The following POFUT2 variants were observed in gnomAD, a reference collection of about 807,000 sequenced individuals.
POFUT2 encodes the protein protein O-fucosyltransferase 2.
Under a neutral mutation model 55.0 loss-of-function variants are expected in POFUT2, and 30 were observed. The ratio of observed to expected loss-of-function variants is 0.55; its 90% CI spans 0.41 to 0.74. The LOEUF is 0.74. Among genes scored for constraint, POFUT2 ranks in the 30% least tolerant of loss-of-function variants. POFUT2 has a pLI of 0.00. For missense variants in POFUT2, 524 were observed against 562.6 expected, an observed-to-expected ratio of 0.93 and a Z score of 0.69; for synonymous variants, 267 against 231.1, an observed-to-expected ratio of 1.16 and a Z score of -1.41.
At position 45,266,275 on chromosome 21, in the gene POFUT2, A is replaced by G. The variant is rs369215335; in HGVS notation, c.1137-640T>C. 1,691 of 1,367,420 alleles carry G rather than the reference A, an allele frequency of 1.2e-3. 31 individuals are homozygous for G. In the South Asian group the frequency reaches 0.018, roughly 15 times the overall value. 84.7% of individuals were successfully genotyped at this position (1,367,420 alleles called of 1,614,324 possible). A position where few individuals can be genotyped will look rare whatever the true frequency, so the allele number is the denominator to read the frequency against. ...GAGATGTTTCCAGAGCAAATGTAAC[A>G]TGCACAGCGCTGTACACAGAGCCAC... On this transcript the variant is annotated intron_variant, in intron 8 of 8. Transcript: ENST00000349485.
chr21:45,274,256 C>A (rs1241495872), intron 6 of POFUT2, among the ~76,000 whole-genome samples: 6 of 151,870 alleles, frequency 4.0e-5, no homozygotes, highest in African/African-American at 1.5e-4. Flanking sequence ...ACCAAAAAAA[C>A]CCACAAAACT....
At chr21:45,283,268 C>A in intron 3 of POFUT2, 115 bp downstream of exon 3, 1 of 458,742 alleles carries the variant, frequency 2.2e-6, no homozygotes, top group Admixed American at 4.2e-5. Context: ...GCGGGGGGCA[C>A]CCACGGTGGT....
rs905880573 is a variant in POFUT2, at chr21:45,277,168, G to A, written c.706-26C>T. ...CTGTGGAAACGGCGACGGCTCGGCTGAGAACACGCCCGCCCGCCACGCAGC... is the reference window on the plus strand; with the variant it reads ...CTGTGGAAACGGCGACGGCTCGGCTAAGAACACGCCCGCCCGCCACGCAGC... On this transcript the variant is annotated intron_variant, in intron 5 of 8. Transcript: ENST00000349485. The surrounding 1 kb of genome is among the most constrained non-coding windows in gnomAD (Gnocchi z 6.9). The A allele has an allele frequency of 6.2e-7, 1 of 1,607,338 alleles. No homozygotes were observed. Among genetic ancestry groups the A allele is most frequent in the Admixed American group, 1.7e-5 (1 of 59,928 alleles).
At chr21:45,266,586 C>T in intron 8 of POFUT2, 4 of 1,060,204 alleles carry the variant, frequency 3.8e-6, no homozygotes, top group Non-Finnish European at 4.6e-6. Context: ...GAGTTCGTAA[C>T]TGGGCTCCTG....
Position 45,263,966 on chromosome 21 carries a change from G to A in POFUT2, c.*1516C>T, listed in dbSNP as rs2093132236. The A allele has an allele frequency of 6.6e-6, 1 of 152,242 alleles. No individual in the cohort carries two copies. The highest frequency in any genetic ancestry group is 2.4e-5 in the African/African-American group (1 of 41,438). The allele number at this position is 152,242 out of a possible 1,614,324, so 9.4% of individuals were successfully genotyped here. ...AAAGCAGTTTATTTTTCTTAAAAAG[G>A]AAGGTACATGGTCACAGTCCAAAAT... On this transcript the variant is annotated 3_prime_UTR_variant, in exon 9 of 9. Transcript: ENST00000349485.
In POFUT2 at chr21:45,277,233, C is replaced by T. The variant is rs756184294; in HGVS notation, c.706-91G>A. 1 of 1,510,422 alleles carries T rather than the reference C, an allele frequency of 6.6e-7. No homozygotes were observed. The highest frequency in any genetic ancestry group is 1.2e-5 in the South Asian group (1 of 82,202). The allele number at this position is 1,510,422 out of a possible 1,614,324, so 93.6% of individuals were successfully genotyped here. A position where few individuals can be genotyped will look rare whatever the true frequency, so the allele number is the denominator to read the frequency against. On this transcript the variant is annotated intron_variant, in intron 5 of 8. Transcript: ENST00000349485. This position sits in a 1 kb window ranked among gnomAD's most constrained non-coding sequence, Gnocchi z 6.9. ...TTCTCCTGTCGCTGCCACCACCCAC[C>T]CCCGCAGCTGGAACAAGCCCCTCAG...
At chr21:45,287,251 C>G (rs2031536580) in intron 1 of POFUT2, among the ~76,000 whole-genome samples, 1 of 124,714 alleles carries the variant, frequency 8.0e-6, no homozygotes, top group African/African-American at 3.1e-5. Flanking sequence ...TTCTTGGCCC[C>G]GGCTCCCGCC....
In POFUT2 at chr21:45,267,396, A is replaced by G. The variant is rs2093165827; in HGVS notation, c.1136+194T>C. ...TCTGTGCATGAGAACTAAAGGGGCA[A>G]GATGAACAATTAACTTCAGCCCAGG... is the stretch of plus-strand genomic sequence containing the variant. On this transcript the variant is annotated intron_variant, in intron 8 of 8. Coordinates refer to ENST00000349485, the MANE Select transcript of POFUT2 (RefSeq NM_133635.6). The surrounding 1 kb of genome is among the most constrained non-coding windows in gnomAD (Gnocchi z 4.4). The G allele has an allele frequency of 7.5e-6, 12 of 1,602,434 alleles. No individual in the cohort carries two copies. In the East Asian group the frequency reaches 2.7e-4, roughly 36 times the overall value.
intron 6 of POFUT2, among the ~76,000 whole-genome samples, chr21:45,275,800 G>A (rs1054762971): frequency 6.6e-6 from 1 of 152,110 alleles, no homozygotes; most frequent in African/African-American, 2.4e-5. Flanking sequence ...TACACTGCTC[G>A]GGTGATGGGT....
At chr21:45,283,728 C>T (rs994210571) in intron 2 of POFUT2, among the ~76,000 whole-genome samples, 7 of 152,134 alleles carry the variant, frequency 4.6e-5, no homozygotes, top group Non-Finnish European at 8.8e-5. Context: ...CTGCAGCTGG[C>T]GGGGGGTGGT....
chr21:45,280,671 C>T (rs1413252196), intron 4 of POFUT2, among the ~76,000 whole-genome samples: 10 of 147,888 alleles, frequency 6.8e-5, no homozygotes, highest in African/African-American at 2.4e-4. Flanking sequence ...TCACCCCAGG[C>T]TGCCCGTCCC....
chr21:45,275,403 GC>G (rs774647456), intron 6 of POFUT2, among the ~76,000 whole-genome samples: 2 of 152,190 alleles, frequency 1.3e-5, no homozygotes, highest in Non-Finnish European at 2.9e-5. Flanking sequence ...ATTTGATCCA[GC>G]AATCCCACTG....
intron 6 of POFUT2, among the ~76,000 whole-genome samples, chr21:45,276,210 TAATTA>T (rs1007786769): frequency 4.8e-5 from 7 of 145,894 alleles, no homozygotes; most frequent in African/African-American, 1.3e-4. Flanking sequence ...AAAAACAAAT[TAATTA>T]AATAAAATTA....
intron 6 of POFUT2, among the ~76,000 whole-genome samples, chr21:45,274,415 A>G (rs2093245217): frequency 2.0e-5 from 3 of 152,198 alleles, no homozygotes; most frequent in African/African-American, 7.2e-5. Context: ...TGCAATTCCC[A>G]TCAAAATGCC....
chr21:45,271,929 G>A (rs1204251242), intron 6 of POFUT2, among the ~76,000 whole-genome samples: 1 of 152,000 alleles, frequency 6.6e-6, no homozygotes. Context: ...CTCAAAATAC[G>A]CCAAAATAGA....
rs1169942399 is a variant in POFUT2 at position 45,270,346 on chromosome 21, G to A, written c.832-327C>T. ...CAGGGACGTGCCACAAAGAGTTCACGGATCCTGTGGACAAAGCAGCTCACA... is the reference window on the plus strand; with the variant it reads ...CAGGGACGTGCCACAAAGAGTTCACAGATCCTGTGGACAAAGCAGCTCACA... On this transcript the variant is annotated intron_variant, in intron 6 of 8. Coordinates refer to ENST00000349485, the MANE Select transcript of POFUT2 (RefSeq NM_133635.6). The surrounding 1 kb of genome is among the most constrained non-coding windows in gnomAD (Gnocchi z 4.6). Among the ~76,000 whole-genome samples the A allele has an allele frequency of 2.0e-5, 3 of 151,734 alleles. No individual in the cohort carries two copies. Among genetic ancestry groups the A allele is most frequent in the East Asian group, 3.9e-4 (2 of 5,148 alleles).
chr21:45,264,156 C>T lies in POFUT2; in HGVS notation c.*1326G>A, dbSNP rs986849924. On this transcript the variant is annotated 3_prime_UTR_variant, in exon 9 of 9. Coordinates refer to ENST00000349485, the MANE Select transcript of POFUT2 (RefSeq NM_133635.6). ...GGTCAATTTTAAAAGCTTGAGAAGA[C>T]ACAGCAAGGTGATGTCCTAGACTAG... 1.3e-5 allele frequency: 2 copies of T among 152,334 alleles called. No homozygotes were observed. Among genetic ancestry groups the T allele is most frequent in the East Asian group, 1.9e-4 (1 of 5,182 alleles). The allele number at this position is 152,334 out of a possible 1,614,324, so 9.4% of individuals were successfully genotyped here. A position where few individuals can be genotyped will look rare whatever the true frequency, so the allele number is the denominator to read the frequency against.
chr21:45,279,247 C>A (rs1446862073), intron 4 of POFUT2, among the ~76,000 whole-genome samples: 3 of 152,012 alleles, frequency 2.0e-5, no homozygotes, highest in Non-Finnish European at 4.4e-5. Flanking sequence ...AAAAAATTAG[C>A]CGGGCGCGGT....
intron 7 of POFUT2, among the ~76,000 whole-genome samples, chr21:45,268,292 G>T (rs564114541): frequency 5.9e-5 from 9 of 152,242 alleles, no homozygotes; most frequent in Non-Finnish European, 1.0e-4. Context: ...GTGCTCGATG[G>T]TGCCCAGGCT....
Sources: allele counts gnomAD v4.1 joint callset (sites outside exome capture counted in the v4.1 genomes callset), GRCh38; gene constraint gnomAD v4.1.1; non-coding constraint Gnocchi (gnomAD v3.1); transcripts MANE v1.5; gene names NCBI Gene and HGNC (gene_info 2026-07-23, HGNC 2026-07-21).